Variants in ACOX1 observed in about 807,000 individuals in gnomAD.
ACOX1 encodes the protein peroxisomal acyl-coenzyme A oxidase 1.
A neutral mutation model predicts 75.5 loss-of-function variants in ACOX1; 41 were observed. The observed-to-expected ratio is 0.54, with a 90% CI of 0.42 to 0.70. ACOX1 has a LOEUF of 0.70. Ranked by LOEUF, ACOX1 falls within the 30% of genes least tolerant of loss-of-function variation. The pLI is 0.00. For missense variants in ACOX1, 630 were observed against 837.5 expected, an observed-to-expected ratio of 0.75 and a Z score of 3.06; for synonymous variants, 303 against 298.8, an observed-to-expected ratio of 1.01 and a Z score of -0.15.
chr17:75,965,762 G>C (rs2065926374), intron 2 of ACOX1, among the ~76,000 whole-genome samples: 1 of 152,050 alleles, frequency 6.6e-6, no homozygotes, highest in Admixed American at 6.6e-5. Context: ...CAGTCTAGGA[G>C]ATCAAGGCTG....
In ACOX1 at chr17:75,955,822, T is replaced by A; in HGVS notation, c.658+6A>T. The A allele has an allele frequency of 6.2e-7, 1 of 1,614,186 alleles. No homozygotes were observed. Among genetic ancestry groups the A allele is most frequent in the East Asian group, 2.2e-5 (1 of 44,876 alleles). The stretch of plus-strand genomic sequence containing the variant: ...TTCATCTCAACATCAGATGAACAGT[T>A]CTTACCTGGCAAAGGCTTATGGGTC... On this transcript the variant is annotated splice_donor_region_variant and intron_variant, in intron 5 of 13. Transcript: ENST00000293217.
chr17:75,966,543 C>T (rs2065934536), intron 2 of ACOX1, among the ~76,000 whole-genome samples: 2 of 151,954 alleles, frequency 1.3e-5, no homozygotes, highest in Admixed American at 1.3e-4. Context: ...GTGGCTCACG[C>T]CTGTAATCCC....
rs8080880 is a variant in ACOX1, at chr17:75,953,444, T to C, written c.944+7A>G. On this transcript the variant is annotated splice_region_variant and intron_variant, in intron 7 of 13. Transcript: ENST00000293217. ...GGTACTGAGCCCATCTAGGACCCTA[T>C]CCTTACCCTGGCTTGATTTCAGACT... 8.7e-6 allele frequency: 14 copies of C among 1,613,428 alleles called. No homozygotes were observed. The highest frequency in any genetic ancestry group is 5.3e-5 in the African/African-American group (4 of 74,908).
chr17:75,948,225 A>C (rs2065739573), intron 13 of ACOX1, 26 bp downstream of exon 13: 1 of 1,612,110 alleles, frequency 6.2e-7, no homozygotes, highest in East Asian at 2.2e-5. Context: ...GACTTTTAAA[A>C]AGGTGCAGAG....
chr17:75,966,889 G>A (rs2065937714), intron 2 of ACOX1, among the ~76,000 whole-genome samples: 1 of 151,882 alleles, frequency 6.6e-6, no homozygotes, highest in Admixed American at 6.6e-5. Flanking sequence ...TATATTTAAG[G>A]TTCCAGAAAT....
chr17:75,971,036 A>G (rs2065988553), intron 2 of ACOX1, among the ~76,000 whole-genome samples: 1 of 152,254 alleles, frequency 6.6e-6, no homozygotes, highest in Non-Finnish European at 1.5e-5. Flanking sequence ...TCACGCCTAT[A>G]ATCCCAGCAC....
At chr17:75,961,058 C>T (rs1310533940) in intron 2 of ACOX1, among the ~76,000 whole-genome samples, 2 of 151,802 alleles carry the variant, frequency 1.3e-5, no homozygotes, top group African/African-American at 2.4e-5. Context: ...TCTGAGAGGC[C>T]GAGGTGGGTG....
rs1348000076 is a variant in ACOX1, at chr17:75,950,004, A to ATC, written c.1299-109_1299-108dup. On this transcript the variant is annotated intron_variant, in intron 9 of 13. Transcript: ENST00000293217. This position sits in a 1 kb window ranked among gnomAD's most constrained non-coding sequence, Gnocchi z 4.3. ...AGGCTGGATGGAGTGCAATGGCCAG[A>ATC]TCTCAGCTCACTGCAACCTCCTCCT... The ATC allele has an allele frequency of 8.1e-7, 1 of 1,229,312 alleles. No homozygotes were observed. The highest frequency in any genetic ancestry group is 1.5e-5 in the African/African-American group (1 of 66,708). The allele number at this position is 1,229,312 out of a possible 1,614,324, so 76.2% of individuals were successfully genotyped here.
chr17:75,978,996 G>A lies in ACOX1; in HGVS notation c.78C>T (p.Ser26=). The A allele has an allele frequency of 2.5e-6, 4 of 1,611,410 alleles. No homozygotes were observed. Among genetic ancestry groups the A allele is most frequent in the Non-Finnish European group, 3.4e-6 (4 of 1,179,976 alleles). The change falls in exon 1 of 14, where the codon AGC becomes AGT. Residue 26 remains serine, a synonymous_variant. Coordinates refer to ENST00000293217, the MANE Select transcript of ACOX1 (RefSeq NM_004035.7). This position sits in a 1 kb window ranked among gnomAD's most constrained non-coding sequence, Gnocchi z 4.2. ...PELLTHILDG[S]PEKTRRRREI... is the part of the protein sequence containing the mutation. Reference sequence around the variant, plus strand: ...CTCGGCGGCGCCGGGTTTTCTCGGGGCTGCCGTCCAGGATGTGTGTAAGCA... The same window carrying A: ...CTCGGCGGCGCCGGGTTTTCTCGGGACTGCCGTCCAGGATGTGTGTAAGCA...
intron 8 of ACOX1, 91 bp from the exon 9 acceptor site, chr17:75,951,055 G>T: frequency 7.4e-7 from 1 of 1,356,882 alleles, no homozygotes; most frequent in Non-Finnish European, 1.0e-6. Context: ...TAACATCTTG[G>T]CCACTGTCAA....
chr17:75,956,103 T>TC (rs2065822156), intron 4 of ACOX1, among the ~76,000 whole-genome samples, 156 bp from the exon 5 acceptor site: 1 of 152,176 alleles, frequency 6.6e-6, no homozygotes, highest in African/African-American at 2.4e-5. Flanking sequence ...CACCTAGCTT[T>TC]CAGAAAGAAA....
chr17:75,948,632 G>A (rs1344031094), intron 12 of ACOX1, among the ~76,000 whole-genome samples, 175 bp from the exon 13 acceptor site: 2 of 150,778 alleles, frequency 1.3e-5, no homozygotes, highest in African/African-American at 2.4e-5. Flanking sequence ...TTGGCTCACC[G>A]CAATCTCCGC....
At chr17:75,967,603 T>TATATATATATACATAC (rs1430383030) in intron 2 of ACOX1, among the ~76,000 whole-genome samples, 3 of 143,032 alleles carry the variant, frequency 2.1e-5, no homozygotes, top group Non-Finnish European at 4.5e-5. Context: ...AATCGAAATA[T>TATATATATATACATAC]ATATATATAT....
chr17:75,957,184 G>C (rs2065841695), intron 4 of ACOX1, among the ~76,000 whole-genome samples: 1 of 151,566 alleles, frequency 6.6e-6, no homozygotes. Flanking sequence ...GGGTTCAAGT[G>C]ATTCTCCTGC....
In ACOX1 at chr17:75,978,464, A is replaced by C; in HGVS notation, c.269+70T>G. The C allele has an allele frequency of 6.3e-7, 1 of 1,587,346 alleles. No homozygotes were observed. Among genetic ancestry groups the C allele is most frequent in the South Asian group, 1.1e-5 (1 of 90,300 alleles). ...CTTCAAACACCAAGCACGGTGATGA[A>C]AGGCCACCATAGACCGCAGCTGTAA... is the stretch of plus-strand genomic sequence containing the variant. On this transcript the variant is annotated intron_variant, in intron 2 of 13. Coordinates refer to ENST00000293217, the MANE Select transcript of ACOX1 (RefSeq NM_004035.7). This position sits in a 1 kb window ranked among gnomAD's most constrained non-coding sequence, Gnocchi z 4.2.
intron 4 of ACOX1, 125 bp from the exon 5 acceptor site, chr17:75,956,072 GC>G: frequency 7.5e-7 from 1 of 1,327,990 alleles, no homozygotes; most frequent in Non-Finnish European, 1.1e-6. Flanking sequence ...TGTCCAGAAA[GC>G]CTTTCTGCTG....
chr17:75,946,657 C>G lies in ACOX1; in HGVS notation c.*91G>C. ...AAAAGGGGTCAATTTATCATTTGCT[C>G]TATAGCTATTTGAATTCGAAAAAGA... On this transcript the variant is annotated 3_prime_UTR_variant, in exon 14 of 14. Transcript: ENST00000293217. The G allele has an allele frequency of 1.9e-6, 2 of 1,070,138 alleles. No individual in the cohort carries two copies. Among genetic ancestry groups the G allele is most frequent in the Non-Finnish European group, 2.9e-6 (2 of 695,888 alleles). The allele number at this position is 1,070,138 out of a possible 1,614,324, so 66.3% of individuals were successfully genotyped here.
chr17:75,978,614 A>C lies in ACOX1; in HGVS notation c.189T>G (p.Ala63=). Residue 63 remains alanine, a synonymous_variant, in exon 2 of 14, where the codon GCT becomes GCG. Transcript: ENST00000293217. The surrounding 1 kb of genome is among the most constrained non-coding windows in gnomAD (Gnocchi z 4.2). ...FLTRSQRYEV[A]VRKSAIMVKK... ...TCACCATGATGGCACTTTTCCTGAC[A>C]GCCACCTCATAACGCTGGCTGCGAG... is the stretch of plus-strand genomic sequence containing the variant. 6.2e-7 allele frequency: 1 copy of C among 1,614,230 alleles called. No homozygotes were observed. The highest frequency in any genetic ancestry group is 8.5e-7 in the Non-Finnish European group (1 of 1,180,042).
At chr17:75,969,270 G>C (rs1937589298) in intron 2 of ACOX1, among the ~76,000 whole-genome samples, 2 of 152,164 alleles carry the variant, frequency 1.3e-5, no homozygotes, top group Non-Finnish European at 1.5e-5. Context: ...AGGTTCAAAA[G>C]CTTCTCCTGC....
Sources: gnomAD v4.1 joint callset for allele counts (sites outside exome capture counted in the v4.1 genomes callset) on GRCh38, gnomAD v4.1.1 for gene constraint, Gnocchi (gnomAD v3.1) non-coding constraint, MANE v1.5 for transcripts, NCBI Gene and HGNC (gene_info 2026-07-23, HGNC 2026-07-21) for gene names.